Variants in TEX36 observed in about 807,000 individuals in gnomAD.
TEX36 encodes testis expressed 36, also known as testis-expressed protein 36.
TEX36 carries 12 observed loss-of-function variants against 13.6 expected under a neutral mutation model. The ratio of observed to expected loss-of-function variants is 0.88; its 90% CI spans 0.56 to 1.43. The LOEUF (loss-of-function observed/expected upper bound fraction) is 1.43. TEX36 is among the 40% of genes most tolerant of loss of function. The pLI, the probability that TEX36 is intolerant of heterozygous loss-of-function variation, is 0.00. For synonymous variants in TEX36, 93 were observed against 83.0 expected (o/e 1.12, Z -0.65); for missense variants, 224 against 228.3 (o/e 0.98, Z 0.12).
At chr10:125,577,603 A>C (rs1845839708) in intron 3 of TEX36, among the ~76,000 whole-genome samples, 1 of 152,246 alleles carries the variant, frequency 6.6e-6, no homozygotes, top group Non-Finnish European at 1.5e-5. Context: ...TAATCCTGTC[A>C]TCTCCAAACA....
intron 3 of TEX36, among the ~76,000 whole-genome samples, chr10:125,613,140 C>A (rs1290274536): frequency 6.6e-6 from 1 of 150,818 alleles, no homozygotes; most frequent in Non-Finnish European, 1.5e-5. Flanking sequence ...AAGCTAGGGT[C>A]AGTCCCAGCT....
At chr10:125,636,853 T>C (rs1277643809) in intron 3 of TEX36, among the ~76,000 whole-genome samples, 1 of 152,178 alleles carries the variant, frequency 6.6e-6, no homozygotes, top group Admixed American at 6.5e-5. Context: ...AGGTGCAATG[T>C]GGTAGAGTAG....
intron 1 of TEX36, among the ~76,000 whole-genome samples, chr10:125,675,837 C>T (rs1847301948): frequency 6.6e-6 from 1 of 152,244 alleles, no homozygotes; most frequent in South Asian, 2.1e-4. Context: ...CCATCTTGGC[C>T]CCTCCCCACT....
chr10:125,610,496 G>T (rs1031661473), intron 3 of TEX36, among the ~76,000 whole-genome samples: 1 of 142,372 alleles, frequency 7.0e-6, no homozygotes, highest in Non-Finnish European at 1.5e-5. Context: ...ATCGGAACTT[G>T]TGTTTCAAAA....
chr10:125,659,129 T>TA (rs2133593442), intron 3 of TEX36, among the ~76,000 whole-genome samples: 1 of 152,266 alleles, frequency 6.6e-6, no homozygotes, highest in Non-Finnish European at 1.5e-5. Context: ...AACCTTACTC[T>TA]AAAAAATATA....
intron 3 of TEX36, among the ~76,000 whole-genome samples, chr10:125,582,994 C>T (rs1417422089): frequency 6.6e-6 from 1 of 152,160 alleles, no homozygotes; most frequent in Non-Finnish European, 1.5e-5. Context: ...TCATGTTAGA[C>T]ATCTTCTTGC....
intron 3 of TEX36, among the ~76,000 whole-genome samples, chr10:125,635,345 C>T (rs144332067): frequency 8.5e-5 from 13 of 152,270 alleles, no homozygotes; most frequent in African/African-American, 2.9e-4. Flanking sequence ...CTTAATTATA[C>T]AAGGAAGGTC....
intron 3 of TEX36, among the ~76,000 whole-genome samples, chr10:125,607,975 T>C (rs1298901405): frequency 6.6e-6 from 1 of 152,054 alleles, no homozygotes; most frequent in Non-Finnish European, 1.5e-5. Context: ...ATGCATGAAA[T>C]GATGGTTTAA....
intron 3 of TEX36, among the ~76,000 whole-genome samples, chr10:125,611,854 G>A (rs940616315): frequency 6.6e-6 from 1 of 151,904 alleles, no homozygotes; most frequent in Non-Finnish European, 1.5e-5. Flanking sequence ...CTGTTAAAAG[G>A]AAATTGTCCC....
At chr10:125,661,202 G>A (rs781122553) in intron 2 of TEX36, 101 bp from the exon 3 acceptor site, 16 of 909,426 alleles carry the variant, frequency 1.8e-5, no homozygotes, top group African/African-American at 3.3e-5. Flanking sequence ...GAGGCAAAGC[G>A]ACCTCTAAGA....
chr10:125,617,146 T>A (rs1490489463), downstream of TEX36, among the ~76,000 whole-genome samples: 9 of 152,002 alleles, frequency 5.9e-5, no homozygotes, highest in Non-Finnish European at 1.0e-4. Flanking sequence ...TTGGTAGATC[T>A]TCCTCCATCC....
chr10:125,628,027 A>C (rs897230771), intron 3 of TEX36, among the ~76,000 whole-genome samples: 1 of 152,224 alleles, frequency 6.6e-6, no homozygotes, highest in Non-Finnish European at 1.5e-5. Flanking sequence ...GTATGCCTAC[A>C]CTCACTGGTT....
chr10:125,645,091 G>A (rs1441839560), intron 3 of TEX36, among the ~76,000 whole-genome samples: 4 of 152,180 alleles, frequency 2.6e-5, no homozygotes, highest in Non-Finnish European at 5.9e-5. Context: ...AGTGCACCTC[G>A]ATTTTAGCCT....
At chr10:125,674,728 G>C (rs1048072342) in intron 1 of TEX36, among the ~76,000 whole-genome samples, 1 of 152,294 alleles carries the variant, frequency 6.6e-6, no homozygotes, top group Admixed American at 6.5e-5. Flanking sequence ...GACCCTATTT[G>C]CCTGGGTCCC....
At chr10:125,665,267 T>C (rs532869987) in intron 1 of TEX36, among the ~76,000 whole-genome samples, 99 of 152,174 alleles carry the variant, frequency 6.5e-4, no homozygotes, top group Admixed American at 1.2e-3. Flanking sequence ...CATTTGTCTA[T>C]TTTCATTTTT....
exon 4 of TEX36, chr10:125,576,676 T>C: frequency 2.0e-6 from 3 of 1,509,264 alleles, no homozygotes; most frequent in Non-Finnish European, 1.8e-6. Flanking sequence ...AAGGTCCTTT[T>C]CTTCCCAACT....
chr10:125,632,461 A>T (rs778256511), intron 3 of TEX36, among the ~76,000 whole-genome samples: 6 of 152,156 alleles, frequency 3.9e-5, no homozygotes, highest in South Asian at 2.1e-4. Flanking sequence ...AAGGTTCAGT[A>T]GACTTAGCTG....
Position 125,592,365 on chromosome 10 carries a change from C to T in TEX36, c.265-15491G>A, listed in dbSNP as rs148826808. Among the ~76,000 whole-genome samples, 36 of 152,212 alleles carry T rather than the reference C, an allele frequency of 2.4e-4. No individual in the cohort carries two copies. In the East Asian group the frequency reaches 4.9e-3, roughly 21 times the overall value. ...CCTGTGAGTTCTGACCTCCGTGTAA[C>T]GACTCCTCTCTAACTACATGCTCAC... is the stretch of plus-strand genomic sequence containing the variant. On this transcript the variant is annotated intron_variant, in intron 3 of 3. Transcript: ENST00000532135.
At chr10:125,649,771 G>A (rs750612687) in intron 3 of TEX36, among the ~76,000 whole-genome samples, 4 of 152,096 alleles carry the variant, frequency 2.6e-5, no homozygotes, top group Non-Finnish European at 4.4e-5. Flanking sequence ...GCAGAAACAT[G>A]CATAGGCTCA....
Sources: allele counts gnomAD v4.1 joint callset (sites outside exome capture counted in the v4.1 genomes callset), GRCh38; gene constraint gnomAD v4.1.1; transcripts MANE v1.5; gene names NCBI Gene and HGNC (gene_info 2026-07-23, HGNC 2026-07-21).